The following SIPA1L1 variants were observed in gnomAD, a reference collection of about 807,000 sequenced individuals.
SIPA1L1 encodes the protein signal induced proliferation associated 1 like 1.
Under a neutral mutation model 162.7 loss-of-function variants are expected in SIPA1L1, and 26 were observed. The observed-to-expected ratio is 0.16, with a 90% CI of 0.12 to 0.22. SIPA1L1 has a LOEUF of 0.22. SIPA1L1 is among the 10% of genes least tolerant of loss of function. The pLI is 1.00. For synonymous variants in SIPA1L1, 829 were observed against 837.4 expected (o/e 0.99, Z 0.17); for missense variants, 1,874 against 2,241.0 (o/e 0.84, Z 3.31).
At chr14:71,433,027 G>A (rs986883774) in intron 2 of SIPA1L1, among the ~76,000 whole-genome samples, 1 of 152,148 alleles carries the variant, frequency 6.6e-6, no homozygotes, top group Non-Finnish European at 1.5e-5. Flanking sequence ...GGGTATAATA[G>A]AGTTTTATAT....
At chr14:71,360,246 T>G (rs578101547) in intron 2 of SIPA1L1, among the ~76,000 whole-genome samples, 1 of 152,378 alleles carries the variant, frequency 6.6e-6, no homozygotes, top group Non-Finnish European at 1.5e-5. Flanking sequence ...TAAGGTAGTT[T>G]ATGAATGGTT....
In SIPA1L1 at chr14:71,588,156, G is replaced by A. The variant is rs769709277; in HGVS notation, c.284G>A (p.Arg95His). ...PRKENIKESS[R>H]SSQEIETSSC... is the part of the protein sequence containing the mutation. The stretch of plus-strand genomic sequence containing the variant: ...AAGGAAAACATAAAAGAATCTAGCC[G>A]TTCAAGCCAGGAAATAGAAACCTCA... Residue 95 changes from arginine to histidine, a missense_variant, in exon 5 of 24, where the codon CGT becomes CAT. Coordinates refer to ENST00000381232, the MANE Select transcript of SIPA1L1 (RefSeq NM_001386936.1). This position sits in a 1 kb window ranked among gnomAD's most constrained non-coding sequence, Gnocchi z 4.3. 11 of 1,614,032 alleles carry A rather than the reference G, an allele frequency of 6.8e-6. No homozygotes were observed. Among genetic ancestry groups the A allele is most frequent in the Admixed American group, 1.7e-5 (1 of 59,990 alleles).
chr14:71,688,561 T>C (rs370222350), intron 13 of SIPA1L1, among the ~76,000 whole-genome samples: 2 of 152,190 alleles, frequency 1.3e-5, no homozygotes, highest in East Asian at 1.9e-4. Context: ...TAGTAAAACA[T>C]AACTGAAAAC....
At chr14:71,583,801 A>G (rs1373476938) in intron 4 of SIPA1L1, among the ~76,000 whole-genome samples, 5 of 152,172 alleles carry the variant, frequency 3.3e-5, no homozygotes, top group African/African-American at 1.2e-4. Context: ...TTAGTGGAGA[A>G]GATCATGACC....
In SIPA1L1 at chr14:71,723,639, C is replaced by G. The variant is rs79802562; in HGVS notation, c.4209-8C>G. 1.9e-6 allele frequency: 3 copies of G among 1,613,922 alleles called. No individual in the cohort carries two copies. Among genetic ancestry groups the G allele is most frequent in the South Asian group, 1.1e-5 (1 of 91,080 alleles). On this transcript the variant is annotated splice_polypyrimidine_tract_variant and splice_region_variant and intron_variant, in intron 17 of 23. Coordinates refer to ENST00000381232, the MANE Select transcript of SIPA1L1 (RefSeq NM_001386936.1). ...AGATACACATGTCTTTGCCCTGCTTCTCCTCAGTACCATGAGCTCCCGACA... is the reference window on the plus strand; with the variant it reads ...AGATACACATGTCTTTGCCCTGCTTGTCCTCAGTACCATGAGCTCCCGACA...
intron 4 of SIPA1L1, among the ~76,000 whole-genome samples, chr14:71,544,017 A>G (rs1003696311): frequency 2.0e-5 from 3 of 149,008 alleles, no homozygotes; most frequent in African/African-American, 2.6e-5. Flanking sequence ...GTATATATAC[A>G]CATACGCACA....
intron 2 of SIPA1L1, among the ~76,000 whole-genome samples, chr14:71,453,339 C>T (rs955244834): frequency 4.6e-5 from 7 of 152,188 alleles, no homozygotes; most frequent in African/African-American, 1.2e-4. Context: ...TCTCAGCTCA[C>T]TGCAGCCTTG....
rs759596518 is a variant in SIPA1L1, at chr14:71,730,149, A to T, written c.4709A>T (p.Asn1570Ile). 2 of 1,614,120 alleles carry T rather than the reference A, an allele frequency of 1.2e-6. No homozygotes were observed. The highest frequency in any genetic ancestry group is 2.2e-5 in the East Asian group (1 of 44,882). ...HRTLSDESIY[N>I]SQREHFFTSR... Reference sequence around the variant, plus strand: ...ACACTGTCGGACGAGAGCATTTACAATAGCCAGAGGGAGCACTTTTTCACC... The same window carrying T: ...ACACTGTCGGACGAGAGCATTTACATTAGCCAGAGGGAGCACTTTTTCACC... The change falls in exon 20 of 24, where the codon AAT becomes ATT. Residue 1570 changes from asparagine to isoleucine, a missense_variant. By Grantham distance (149) the Asn-to-Ile change is moderately radical. Transcript: ENST00000381232.
At chr14:71,723,990 G>T (rs1258291597) in intron 18 of SIPA1L1, 104 bp downstream of exon 18, 3 of 1,307,446 alleles carry the variant, frequency 2.3e-6, no homozygotes, top group African/African-American at 1.5e-5. Flanking sequence ...GGGCTAGGGG[G>T]TTGGCAGGAG....
intron 2 of SIPA1L1, among the ~76,000 whole-genome samples, chr14:71,350,855 T>G (rs927777226): frequency 6.6e-6 from 1 of 152,244 alleles, no homozygotes; most frequent in Non-Finnish European, 1.5e-5. Flanking sequence ...GCTGTCCTTA[T>G]GAACAAGATG....
At chr14:71,330,074 T>A (rs1474161660) in intron 2 of SIPA1L1, among the ~76,000 whole-genome samples, 2 of 151,904 alleles carry the variant, frequency 1.3e-5, no homozygotes, top group Non-Finnish European at 2.9e-5. Context: ...TGGAATTCAA[T>A]AAATGTCAGT....
At chr14:71,581,141 A>G (rs1298978830) in intron 4 of SIPA1L1, among the ~76,000 whole-genome samples, 3 of 152,140 alleles carry the variant, frequency 2.0e-5, no homozygotes, top group Middle Eastern at 6.8e-3. Context: ...GTCCATGGTC[A>G]AATCAGTTAA....
intron 9 of SIPA1L1, among the ~76,000 whole-genome samples, chr14:71,660,929 A>G (rs934628227): frequency 5.9e-5 from 9 of 152,200 alleles, no homozygotes; most frequent in African/African-American, 2.2e-4. Flanking sequence ...CAGAACATAA[A>G]TTACATTGTA....
At chr14:71,412,534 A>G (rs181590677) in intron 2 of SIPA1L1, among the ~76,000 whole-genome samples, 18 of 152,290 alleles carry the variant, frequency 1.2e-4, no homozygotes, top group Admixed American at 1.1e-3. Flanking sequence ...ACATGAGATC[A>G]TAGTGTGAGG....
At chr14:71,582,327 CCT>C (rs762125330) in intron 4 of SIPA1L1, among the ~76,000 whole-genome samples, 7 of 151,942 alleles carry the variant, frequency 4.6e-5, no homozygotes, top group Non-Finnish European at 8.8e-5. Flanking sequence ...AGAGCAAGAC[CCT>C]GTCTCAAATA....
intron 2 of SIPA1L1, among the ~76,000 whole-genome samples, chr14:71,354,742 C>CT (rs1346496480): frequency 1.8e-4 from 27 of 152,150 alleles, no homozygotes; most frequent in African/African-American, 5.8e-4. Flanking sequence ...TAGCCAAGCT[C>CT]TAAGTTTTCC....
chr14:71,485,147 G>C (rs1225364767), intron 2 of SIPA1L1, among the ~76,000 whole-genome samples: 1 of 152,226 alleles, frequency 6.6e-6, no homozygotes, highest in Non-Finnish European at 1.5e-5. Context: ...TATCAGGTAA[G>C]TTGCCATAAA....
Position 71,643,303 on chromosome 14 carries a change from A to G in SIPA1L1, c.1819-7032A>G, listed in dbSNP as rs528231090. Among the ~76,000 whole-genome samples the G allele has an allele frequency of 2.0e-5, 3 of 152,342 alleles. No individual in the cohort carries two copies. In the South Asian group the frequency reaches 6.2e-4, roughly 32 times the overall value. On this transcript the variant is annotated intron_variant, in intron 7 of 23. Coordinates refer to ENST00000381232, the MANE Select transcript of SIPA1L1 (RefSeq NM_001386936.1). ...AAACAATGAACATAGGAAAAGTTAG[A>G]TGACTTTTTTAGTCGTTAGAGAAAT... is the stretch of plus-strand genomic sequence containing the variant.
At chr14:71,694,634 A>G (rs1180382666) in intron 13 of SIPA1L1, among the ~76,000 whole-genome samples, 7 of 152,236 alleles carry the variant, frequency 4.6e-5, no homozygotes, top group Admixed American at 4.6e-4. Context: ...ATTAATGCTA[A>G]AAGATTTACA....
Sources: allele counts gnomAD v4.1 joint callset (sites outside exome capture counted in the v4.1 genomes callset), GRCh38; gene constraint gnomAD v4.1.1; non-coding constraint Gnocchi (gnomAD v3.1); transcripts MANE v1.5; gene names NCBI Gene and HGNC (gene_info 2026-07-23, HGNC 2026-07-21).